The following CACNA1C variants were observed in gnomAD, a reference collection of about 807,000 sequenced individuals.
CACNA1C encodes the protein voltage-dependent L-type calcium channel subunit alpha-1C.
A neutral mutation model predicts 229.0 loss-of-function variants in CACNA1C; 30 were observed. The ratio of observed to expected loss-of-function variants is 0.13; its 90% CI spans 0.10 to 0.18. CACNA1C has a LOEUF of 0.18. CACNA1C is among the 10% of genes least tolerant of loss of function. The pLI is 1.00. For synonymous variants in CACNA1C, 1,114 were observed against 1,132.5 expected (o/e 0.98, Z 0.33); for missense variants, 1,658 against 2,845.0 (o/e 0.58, Z 9.49).
intron 3 of CACNA1C, among the ~76,000 whole-genome samples, chr12:2,304,263 G>A (rs967798050): frequency 1.3e-5 from 2 of 152,114 alleles, no homozygotes. Context: ...GAGGGCTTGA[G>A]GAGGTGCACG....
intron 34 of CACNA1C, among the ~76,000 whole-genome samples, chr12:2,663,047 G>T (rs1190905071): frequency 2.0e-5 from 3 of 152,172 alleles, no homozygotes; most frequent in Non-Finnish European, 4.4e-5. Context: ...ACACAGAAAA[G>T]AATGTCTTTA....
At chr12:2,680,260 C>G in intron 42 of CACNA1C, 1 of 872,596 alleles carries the variant, frequency 1.1e-6, no homozygotes. Context: ...ATCTGTAGCA[C>G]TGGCCCATTC....
intron 3 of CACNA1C, among the ~76,000 whole-genome samples, chr12:2,352,596 T>C (rs1241709462): frequency 6.6e-6 from 1 of 152,084 alleles, no homozygotes; most frequent in African/African-American, 2.4e-5. Context: ...GCATTATTTG[T>C]TGGGGGAAAT....
intron 3 of CACNA1C, among the ~76,000 whole-genome samples, chr12:2,290,070 T>A (rs371493426): frequency 6.6e-6 from 1 of 152,204 alleles, no homozygotes; most frequent in African/African-American, 2.4e-5. Context: ...TTACCTCCCC[T>A]TTGGAAAAAT....
rs925861480 is a variant in CACNA1C at position 2,275,282 on chromosome 12, G to T, written c.477+154852G>T. ...CTTTGCCCAATACATGTCAGGCTCT[G>T]TGTGGCAAGGGCGAGGGAGAGGCAT... On this transcript the variant is annotated intron_variant, in intron 3 of 46. Transcript: ENST00000399655. This position sits in a 1 kb window ranked among gnomAD's most constrained non-coding sequence, Gnocchi z 4.1. Among the ~76,000 whole-genome samples the T allele has an allele frequency of 6.6e-6, 1 of 152,174 alleles. No homozygotes were observed. The highest frequency in any genetic ancestry group is 2.4e-5 in the African/African-American group (1 of 41,430).
intron 5 of CACNA1C, among the ~76,000 whole-genome samples, chr12:2,481,603 C>G (rs10848664): frequency 3.4e-4 from 51 of 152,078 alleles, no homozygotes; most frequent in Non-Finnish European, 1.6e-4. Context: ...AGTCTTTCCA[C>G]CCGCCAAGAG....
At chr12:1,976,158 C>A (rs2034289643) in intron 1 of CACNA1C, among the ~76,000 whole-genome samples, 1 of 152,042 alleles carries the variant, frequency 6.6e-6, no homozygotes, top group Non-Finnish European at 1.5e-5. Context: ...TGACAGAGAA[C>A]AAAAAAGTCA....
chr12:2,628,509 T>C (rs1323007429), intron 29 of CACNA1C, among the ~76,000 whole-genome samples: 1 of 152,058 alleles, frequency 6.6e-6, no homozygotes, highest in East Asian at 1.9e-4. Flanking sequence ...GCTTCCTCCT[T>C]CCTCCTTTCA....
chr12:2,304,377 CCT>C (rs2094837544), intron 3 of CACNA1C, among the ~76,000 whole-genome samples: 1 of 152,150 alleles, frequency 6.6e-6, no homozygotes, highest in Admixed American at 6.5e-5. Flanking sequence ...GCCAAGGGTC[CCT>C]CTCACAGCAG....
intron 3 of CACNA1C, among the ~76,000 whole-genome samples, chr12:2,206,096 T>C (rs1237901656): frequency 6.6e-6 from 1 of 151,026 alleles, no homozygotes; most frequent in Non-Finnish European, 1.5e-5. Context: ...ATTTGAGGAG[T>C]GTTTAGGGAG....
intron 3 of CACNA1C, among the ~76,000 whole-genome samples, chr12:2,282,642 C>T (rs973781311): frequency 6.6e-5 from 10 of 152,172 alleles, no homozygotes; most frequent in South Asian, 4.1e-4. Context: ...ACAGCGCACC[C>T]GCCTCCTGCC....
intron 29 of CACNA1C, among the ~76,000 whole-genome samples, chr12:2,620,124 C>A (rs973223745): frequency 2.6e-5 from 4 of 152,166 alleles, no homozygotes; most frequent in Admixed American, 2.6e-4. Context: ...CTCATTCAAT[C>A]CATAAGACGA....
rs74053493 is a variant in CACNA1C, at chr12:2,513,172, A to G, written c.1390+188A>G. Among the ~76,000 whole-genome samples, 3,243 of 152,348 alleles carry G rather than the reference A, an allele frequency of 0.021. 110 individuals are homozygous for G. The highest frequency in any genetic ancestry group is 0.073 in the African/African-American group (3,018 of 41,576). On this transcript the variant is annotated intron_variant, in intron 9 of 46. Transcript: ENST00000399655. ...ACATCGGTCACATGTGGGAAATCATAGCTGTCGATCTAGAAAACCTCATGC... is the reference window on the plus strand; with the variant it reads ...ACATCGGTCACATGTGGGAAATCATGGCTGTCGATCTAGAAAACCTCATGC...
At chr12:2,221,102 G>A (rs771103891) in intron 3 of CACNA1C, among the ~76,000 whole-genome samples, 2 of 152,106 alleles carry the variant, frequency 1.3e-5, no homozygotes, top group Non-Finnish European at 2.9e-5. Flanking sequence ...CCGGGGGATG[G>A]CATAGCAAGT....
chr12:1,997,878 C>A, intron 1 of CACNA1C: 2 of 1,383,254 alleles, frequency 1.4e-6, no homozygotes, highest in Non-Finnish European at 1.0e-6. Flanking sequence ...AGTGACACAA[C>A]GGAGCTAAAA....
chr12:2,418,430 C>T (rs2098938700), intron 3 of CACNA1C, among the ~76,000 whole-genome samples: 1 of 152,138 alleles, frequency 6.6e-6, no homozygotes, highest in South Asian at 2.1e-4. Context: ...GAGAACCTGG[C>T]AGAGTTGCGG....
intron 1 of CACNA1C, among the ~76,000 whole-genome samples, chr12:1,982,193 G>T (rs2036346966): frequency 6.6e-6 from 1 of 152,108 alleles, no homozygotes; most frequent in Non-Finnish European, 1.5e-5. Flanking sequence ...GATTCAATTT[G>T]CTAGTATTTT....
intron 1 of CACNA1C, among the ~76,000 whole-genome samples, chr12:1,996,927 C>A (rs1014120904): frequency 6.6e-5 from 10 of 152,122 alleles, no homozygotes; most frequent in Non-Finnish European, 1.2e-4. Flanking sequence ...GAAACAGATA[C>A]CCCTAGAAAG....
intron 3 of CACNA1C, among the ~76,000 whole-genome samples, chr12:2,310,574 C>T (rs1488789246): frequency 6.6e-6 from 1 of 151,982 alleles, no homozygotes; most frequent in East Asian, 1.9e-4. Context: ...TTTCTCAAGC[C>T]CCAGCCCTCC....
Sources: gnomAD v4.1 joint callset for allele counts (sites outside exome capture counted in the v4.1 genomes callset) on GRCh38, gnomAD v4.1.1 for gene constraint, Gnocchi (gnomAD v3.1) non-coding constraint, MANE v1.5 for transcripts, NCBI Gene and HGNC (gene_info 2026-07-23, HGNC 2026-07-21) for gene names.